Variants in ANTXR1 observed in about 807,000 individuals in gnomAD.
The protein encoded by ANTXR1 is anthrax toxin receptor 1.
A neutral mutation model predicts 78.1 loss-of-function variants in ANTXR1; 19 were observed. The observed-to-expected ratio is 0.24, with a 90% CI of 0.17 to 0.36. The LOEUF is 0.36. Ranked by LOEUF, ANTXR1 falls within the 10% of genes least tolerant of loss-of-function variation. The probability of loss-of-function intolerance (pLI) is 1.00; values close to 1 mark genes in which losing one functional copy is unlikely to be tolerated. For synonymous variants in ANTXR1, 273 were observed against 260.5 expected (o/e 1.05, Z -0.46); for missense variants, 518 against 718.6 (o/e 0.72, Z 3.19).
chr2:69,104,170 C>T (rs1011533605), intron 10 of ANTXR1, among the ~76,000 whole-genome samples: 1 of 152,086 alleles, frequency 6.6e-6, no homozygotes, highest in African/African-American at 2.4e-5. Context: ...AACTCCTGAC[C>T]TCACATGATC....
chr2:69,111,732 G>A (rs1219434963), intron 10 of ANTXR1, among the ~76,000 whole-genome samples: 2 of 152,174 alleles, frequency 1.3e-5, no homozygotes, highest in African/African-American at 2.4e-5. Flanking sequence ...CTGAGGAGGG[G>A]GCTCAACTTC....
At chr2:69,194,168 A>G (rs1674608361) in intron 17 of ANTXR1, among the ~76,000 whole-genome samples, 1 of 152,242 alleles carries the variant, frequency 6.6e-6, no homozygotes, top group South Asian at 2.1e-4. Context: ...GTAACAAGTA[A>G]CTTACACTGG....
At chr2:69,091,950 CTCT>C (rs1309657159) in intron 9 of ANTXR1, among the ~76,000 whole-genome samples, 1 of 152,188 alleles carries the variant, frequency 6.6e-6, no homozygotes, top group Non-Finnish European at 1.5e-5. Context: ...TTCCCCATCA[CTCT>C]TCTTTCATTC....
At chr2:69,178,772 A>G (rs1249857259) in intron 14 of ANTXR1, among the ~76,000 whole-genome samples, 1 of 152,228 alleles carries the variant, frequency 6.6e-6, no homozygotes, top group Non-Finnish European at 1.5e-5. Flanking sequence ...TGGACAAGGC[A>G]TCAGAAAACC....
At chr2:69,128,566 A>G (rs1672624101) in intron 12 of ANTXR1, among the ~76,000 whole-genome samples, 1 of 152,152 alleles carries the variant, frequency 6.6e-6, no homozygotes, top group Non-Finnish European at 1.5e-5. Context: ...AAGGGGGAAG[A>G]AGAGATGGCC....
chr2:69,072,908 T>C (rs1419422045), intron 5 of ANTXR1, 114 bp from the exon 6 acceptor site: 1 of 1,065,074 alleles, frequency 9.4e-7, no homozygotes, highest in Non-Finnish European at 1.5e-6. Flanking sequence ...TTGGTGATTC[T>C]CACAATATTG....
intron 13 of ANTXR1, among the ~76,000 whole-genome samples, chr2:69,156,917 G>A (rs1212306047): frequency 6.6e-6 from 1 of 152,198 alleles, no homozygotes; most frequent in Non-Finnish European, 1.5e-5. Context: ...TGGGAACACG[G>A]ATCCAACCCA....
intron 13 of ANTXR1, among the ~76,000 whole-genome samples, chr2:69,170,033 A>G (rs1445531795): frequency 6.6e-6 from 1 of 152,222 alleles, no homozygotes; most frequent in Non-Finnish European, 1.5e-5. Flanking sequence ...AAGAGACGCA[A>G]ATGAGACTGG....
intron 17 of ANTXR1, among the ~76,000 whole-genome samples, chr2:69,196,225 A>G (rs990460495): frequency 6.6e-6 from 1 of 152,252 alleles, no homozygotes; most frequent in Non-Finnish European, 1.5e-5. Flanking sequence ...TTCTCCAGCC[A>G]TGCAAAATAA....
rs1037744585 is a variant in ANTXR1 at position 69,096,271 on chromosome 2, A to G, written c.703+5352A>G. Among the ~76,000 whole-genome samples, 4 of 8,664 alleles carry G rather than the reference A, an allele frequency of 4.6e-4. No homozygotes were observed. The African/African-American group carries it at 5.1e-3, about 11-fold the overall frequency. The allele number at this position is 8,664 out of a possible 152,430, so 5.7% of individuals were successfully genotyped here. A position where few individuals can be genotyped will look rare whatever the true frequency, so the allele number is the denominator to read the frequency against. On this transcript the variant is annotated intron_variant, in intron 9 of 17. Coordinates refer to ENST00000303714, the MANE Select transcript of ANTXR1 (RefSeq NM_032208.3). Reference sequence around the variant, plus strand: ...AGACTCCGTCAAAAGGAAGGAAGGAAGGAAGGAAGGAAGGAAGGGAGGAAG... The same window carrying G: ...AGACTCCGTCAAAAGGAAGGAAGGAGGGAAGGAAGGAAGGAAGGGAGGAAG...
rs1471893309 is a variant in ANTXR1, at chr2:69,013,245, G to A, written c.-255G>A. 3 of 590,396 alleles carry A rather than the reference G, an allele frequency of 5.1e-6. No homozygotes were observed. The highest frequency in any genetic ancestry group is 9.0e-6 in the Non-Finnish European group (3 of 334,192). 36.6% of individuals were successfully genotyped at this position (590,396 alleles called of 1,614,324 possible). A position where few individuals can be genotyped will look rare whatever the true frequency, so the allele number is the denominator to read the frequency against. On this transcript the variant is annotated 5_prime_UTR_variant, in exon 1 of 18. Coordinates refer to ENST00000303714, the MANE Select transcript of ANTXR1 (RefSeq NM_032208.3). This position sits in a 1 kb window ranked among gnomAD's most constrained non-coding sequence, Gnocchi z 5.0. ...AGCTGCCCGGCGGCCCCGGACCGAG[G>A]CAGCCCTCCCCTTTAAAAGAAGCGG...
chr2:69,080,105 T>C (rs1670855076), intron 8 of ANTXR1, among the ~76,000 whole-genome samples: 1 of 152,262 alleles, frequency 6.6e-6, no homozygotes, highest in Non-Finnish European at 1.5e-5. Flanking sequence ...TGTGAGCTTT[T>C]ATCTGTGAGT....
intron 9 of ANTXR1, among the ~76,000 whole-genome samples, chr2:69,101,588 G>A (rs4629191): frequency 0.8 from 121,128 of 152,150 alleles, 48,551 homozygotes; most frequent in Admixed American, 0.86. Flanking sequence ...GGCAAACATG[G>A]CCTCTAAATT....
intron 17 of ANTXR1, among the ~76,000 whole-genome samples, chr2:69,220,914 T>C (rs1675302034): frequency 6.6e-6 from 1 of 152,232 alleles, no homozygotes; most frequent in African/African-American, 2.4e-5. Context: ...GAAAGGGTGA[T>C]TGTATTTGAT....
chr2:69,094,365 A>G (rs1362908732), intron 9 of ANTXR1, among the ~76,000 whole-genome samples: 4 of 152,242 alleles, frequency 2.6e-5, no homozygotes, highest in Admixed American at 1.3e-4. Flanking sequence ...CGCTGAAAGA[A>G]AATTGGGGAA....
chr2:69,122,410 C>G (rs886859413), intron 10 of ANTXR1, among the ~76,000 whole-genome samples: 49 of 152,274 alleles, frequency 3.2e-4, no homozygotes, highest in African/African-American at 1.1e-3. Context: ...ACGTGGAACT[C>G]CTTAGGACCA....
Position 69,013,386 on chromosome 2 carries a change from A to AG in ANTXR1, c.-109dup. ...GCTTCCGGGGAGTTGCGAGGGAGCG[A>AG]GGGGGAATAAAGGACCCGCGAGGAA... On this transcript the variant is annotated 5_prime_UTR_variant, in exon 1 of 18. Transcript: ENST00000303714. This position sits in a 1 kb window ranked among gnomAD's most constrained non-coding sequence, Gnocchi z 5.0. 2 of 1,425,358 alleles carry AG rather than the reference A, an allele frequency of 1.4e-6. No individual in the cohort carries two copies. The highest frequency in any genetic ancestry group is 1.9e-6 in the Non-Finnish European group (2 of 1,038,680). 88.3% of individuals were successfully genotyped at this position (1,425,358 alleles called of 1,614,324 possible). A position where few individuals can be genotyped will look rare whatever the true frequency, so the allele number is the denominator to read the frequency against.
At chr2:69,080,835 G>A (rs1314012199) in intron 8 of ANTXR1, among the ~76,000 whole-genome samples, 1 of 152,180 alleles carries the variant, frequency 6.6e-6, no homozygotes, top group Non-Finnish European at 1.5e-5. Flanking sequence ...GTTCTTGGCA[G>A]AGCACGGCCC....
intron 17 of ANTXR1, among the ~76,000 whole-genome samples, chr2:69,216,950 C>T (rs1035154495): frequency 6.6e-6 from 1 of 152,188 alleles, no homozygotes; most frequent in Non-Finnish European, 1.5e-5. Flanking sequence ...ATCTCAATTG[C>T]AGTTAAATAT....
Sources: allele counts gnomAD v4.1 joint callset (sites outside exome capture counted in the v4.1 genomes callset), GRCh38; gene constraint gnomAD v4.1.1; non-coding constraint Gnocchi (gnomAD v3.1); transcripts MANE v1.5; gene names NCBI Gene and HGNC (gene_info 2026-07-23, HGNC 2026-07-21).